PCMTD1: variants seen among roughly 807,000 people sequenced by gnomAD.
The protein encoded by PCMTD1 is protein-L-isoaspartate (D-aspartate) O-methyltransferase domain containing 1, also known as protein-L-isoaspartate O-methyltransferase domain-containing protein 1.
PCMTD1 carries 12 observed loss-of-function variants against 37.6 expected under a neutral mutation model. The ratio of observed to expected loss-of-function variants is 0.32; its 90% CI spans 0.20 to 0.52. The LOEUF is 0.52. Among genes scored for constraint, PCMTD1 ranks in the 20% least tolerant of loss-of-function variants. PCMTD1 has a pLI of 0.97. For synonymous variants in PCMTD1, 117 were observed against 135.8 expected (o/e 0.86, Z 0.96); for missense variants, 235 against 421.3 (o/e 0.56, Z 3.87).
chr8:51,827,422 T>C (rs2037936647), intron 5 of PCMTD1: 1 of 529,204 alleles, frequency 1.9e-6, no homozygotes, highest in Non-Finnish European at 3.4e-6. Flanking sequence ...AATTGTGAGC[T>C]GTTCTGAGTA....
At chr8:51,826,237 C>T (rs2037919388) in intron 5 of PCMTD1, among the ~76,000 whole-genome samples, 1 of 152,140 alleles carries the variant, frequency 6.6e-6, no homozygotes, top group Non-Finnish European at 1.5e-5. Flanking sequence ...AAGCTGGAAA[C>T]CATCATTCTC....
chr8:51,892,328 G>A (rs1216790835), intron 1 of PCMTD1, among the ~76,000 whole-genome samples: 1 of 152,152 alleles, frequency 6.6e-6, no homozygotes, highest in African/African-American at 2.4e-5. Context: ...AACACATGCA[G>A]GGCTGACCCT....
At chr8:51,845,789 A>G in intron 2 of PCMTD1, 26 bp from the exon 3 acceptor site, 1 of 1,513,124 alleles carries the variant, frequency 6.6e-7, no homozygotes, top group Non-Finnish European at 9.1e-7. Context: ...CATTTTTATA[A>G]AAAATATTAA....
At chr8:51,885,210 A>G (rs1351466795) in intron 1 of PCMTD1, among the ~76,000 whole-genome samples, 4 of 152,188 alleles carry the variant, frequency 2.6e-5, no homozygotes, top group African/African-American at 7.2e-5. Flanking sequence ...TTAAATTACT[A>G]TATCCCACAA....
chr8:51,884,840 C>CA (rs758450963), intron 1 of PCMTD1, among the ~76,000 whole-genome samples: 6 of 152,302 alleles, frequency 3.9e-5, no homozygotes, highest in Non-Finnish European at 7.3e-5. Context: ...TCCAATAAGC[C>CA]ATTGAGGTAC....
intron 1 of PCMTD1, among the ~76,000 whole-genome samples, chr8:51,882,493 T>A (rs1004156732): frequency 6.6e-6 from 1 of 152,024 alleles, no homozygotes; most frequent in African/African-American, 2.4e-5. Flanking sequence ...CTGTATCATC[T>A]CTCCACAAAG....
chr8:51,857,600 GA>G (rs2038410320), intron 2 of PCMTD1, among the ~76,000 whole-genome samples: 1 of 152,116 alleles, frequency 6.6e-6, no homozygotes, highest in South Asian at 2.1e-4. Flanking sequence ...CCCTGAGAAT[GA>G]AACGACAGTA....
At chr8:51,857,885 A>G (rs572493004) in intron 2 of PCMTD1, among the ~76,000 whole-genome samples, 8 of 152,304 alleles carry the variant, frequency 5.3e-5, no homozygotes, top group African/African-American at 1.7e-4. Flanking sequence ...CCAGCTACTC[A>G]GGAAGCTGAG....
At chr8:51,880,549 A>G (rs2038777088) in intron 1 of PCMTD1, among the ~76,000 whole-genome samples, 1 of 152,168 alleles carries the variant, frequency 6.6e-6, no homozygotes, top group Non-Finnish European at 1.5e-5. Flanking sequence ...AACTCATACC[A>G]TAATCAGGGG....
At chr8:51,857,646 C>T (rs538540999) in intron 2 of PCMTD1, among the ~76,000 whole-genome samples, 6 of 152,064 alleles carry the variant, frequency 3.9e-5, no homozygotes, top group African/African-American at 1.2e-4. Context: ...TAGATCTTTA[C>T]GAAAACCCTT....
intron 3 of PCMTD1, among the ~76,000 whole-genome samples, chr8:51,837,163 C>T (rs1381446312): frequency 6.6e-6 from 1 of 152,046 alleles, no homozygotes; most frequent in East Asian, 1.9e-4. Context: ...AGTATAACTA[C>T]TTCTATCTAA....
intron 1 of PCMTD1, among the ~76,000 whole-genome samples, chr8:51,866,532 C>T (rs921192978): frequency 2.0e-5 from 3 of 151,762 alleles, no homozygotes; most frequent in African/African-American, 7.3e-5. Flanking sequence ...ATTAAGAAAG[C>T]ACAGTCTCTT....
At chr8:51,821,936 C>T (rs1217478193) in intron 5 of PCMTD1, among the ~76,000 whole-genome samples, 2 of 152,066 alleles carry the variant, frequency 1.3e-5, no homozygotes, top group Non-Finnish European at 2.9e-5. Context: ...GGGGTTTCAC[C>T]ATGTTAGTCA....
intron 2 of PCMTD1, among the ~76,000 whole-genome samples, chr8:51,856,945 C>G (rs2038398689): frequency 6.6e-6 from 1 of 152,190 alleles, no homozygotes; most frequent in African/African-American, 2.4e-5. Flanking sequence ...CTGAATTGTA[C>G]TCTTAAATGA....
chr8:51,895,513 G>C lies in PCMTD1; in HGVS notation c.-96+3417C>G, dbSNP rs539835830. 3.3e-5 allele frequency among the ~76,000 whole-genome samples: 5 copies of C among 152,282 alleles called. No homozygotes were observed. In the South Asian group the frequency reaches 1.0e-3, roughly 32 times the overall value. ...ATGTCTTGTATCAAGACATAAAGTT[G>C]AGTTATTTCTGGCTACCCGTGCATA... On this transcript the variant is annotated intron_variant, in intron 1 of 5. Coordinates refer to ENST00000522514, the MANE Select transcript of PCMTD1 (RefSeq NM_052937.4).
intron 1 of PCMTD1, among the ~76,000 whole-genome samples, chr8:51,882,465 A>T (rs1247826390): frequency 9.5e-5 from 1 of 10,504 alleles, no homozygotes; most frequent in East Asian, 0.019. Context: ...AAGCTCTCAA[A>T]CACCCGCCTA....
intron 3 of PCMTD1, among the ~76,000 whole-genome samples, chr8:51,838,430 G>C (rs770391179): frequency 7.9e-5 from 12 of 151,780 alleles, no homozygotes; most frequent in Non-Finnish European, 1.5e-4. Context: ...TGTAAACTAC[G>C]GTGAGCTATG....
intron 5 of PCMTD1, chr8:51,827,356 C>G (rs1346473067): frequency 1.1e-6 from 1 of 946,292 alleles, no homozygotes; most frequent in East Asian, 6.1e-5. Flanking sequence ...TATGGTCAAC[C>G]AAGGTCTGAA....
intron 1 of PCMTD1, among the ~76,000 whole-genome samples, chr8:51,862,772 G>C (rs1465236708): frequency 1.3e-5 from 2 of 152,108 alleles, no homozygotes; most frequent in Non-Finnish European, 2.9e-5. Context: ...TCCTACAATT[G>C]CCTTAAGAAC....
Sources: allele counts gnomAD v4.1 joint callset (sites outside exome capture counted in the v4.1 genomes callset), GRCh38; gene constraint gnomAD v4.1.1; transcripts MANE v1.5; gene names NCBI Gene and HGNC (gene_info 2026-07-23, HGNC 2026-07-21).